Variants in CYB561A3 observed in about 807,000 individuals in gnomAD.
CYB561A3 encodes the protein lysosomal membrane ascorbate-dependent ferrireductase CYB561A3.
A neutral mutation model predicts 25.3 loss-of-function variants in CYB561A3; 16 were observed. That is an observed-to-expected ratio of 0.63 (90% CI 0.43 to 0.96). The LOEUF is 0.96. Among genes scored for constraint, CYB561A3 ranks in the 40% least tolerant of loss-of-function variants. The pLI is 0.00. For synonymous variants in CYB561A3, 131 were observed against 129.9 expected (o/e 1.01, Z -0.06); for missense variants, 219 against 307.5 (o/e 0.71, Z 2.15).
Position 61,349,515 on chromosome 11 carries a change from A to G in CYB561A3, c.*884T>C. On this transcript the variant is annotated 3_prime_UTR_variant, in exon 7 of 7. Coordinates refer to ENST00000294072, the MANE Select transcript of CYB561A3 (RefSeq NM_153611.6). Reference sequence around the variant, plus strand: ...ACAGCCACCTCTGTTACTCATCGCTACTGGGACATCTGGGGACAGGCTCTG... The same window carrying G: ...ACAGCCACCTCTGTTACTCATCGCTGCTGGGACATCTGGGGACAGGCTCTG... 1 of 702,614 alleles carries G rather than the reference A, an allele frequency of 1.4e-6. No homozygotes were observed. The allele number at this position is 702,614 out of a possible 1,614,324, so 43.5% of individuals were successfully genotyped here. A position where few individuals can be genotyped will look rare whatever the true frequency, so the allele number is the denominator to read the frequency against.
chr11:61,349,456 G>A lies in CYB561A3; in HGVS notation c.*943C>T, dbSNP rs1857292781. The A allele has an allele frequency of 1.5e-6, 1 of 682,536 alleles. No individual in the cohort carries two copies. The highest frequency in any genetic ancestry group is 2.7e-5 in the East Asian group (1 of 36,734). 42.3% of individuals were successfully genotyped at this position (682,536 alleles called of 1,614,324 possible). A position where few individuals can be genotyped will look rare whatever the true frequency, so the allele number is the denominator to read the frequency against. On this transcript the variant is annotated 3_prime_UTR_variant, in exon 7 of 7. Transcript: ENST00000294072. ...GACCTGCCCAGCGGGAGGCAGGAAG[G>A]CCCTGATCCAGCAAGGAGAAGTAGA...
In CYB561A3 at chr11:61,349,666, G is replaced by C. The variant is rs1857305184; in HGVS notation, c.*733C>G. On this transcript the variant is annotated 3_prime_UTR_variant, in exon 7 of 7. Transcript: ENST00000294072. ...CAGCTGGAAGAGGTGGAGCCGCACG[G>C]TCACAATACATGCAGACACAGAGCA... is the stretch of plus-strand genomic sequence containing the variant. The C allele has an allele frequency of 4.3e-6, 3 of 702,556 alleles. No individual in the cohort carries two copies. The highest frequency in any genetic ancestry group is 7.8e-6 in the Non-Finnish European group (3 of 384,924). The allele number at this position is 702,556 out of a possible 1,614,324, so 43.5% of individuals were successfully genotyped here.
chr11:61,352,867 G>A (rs1479033477), intron 5 of CYB561A3, 118 bp downstream of exon 5: 1 of 1,564,882 alleles, frequency 6.4e-7, no homozygotes, highest in African/African-American at 1.4e-5. Flanking sequence ...CAGATCAGGA[G>A]TGGACCCAAC....
intron 3 of CYB561A3, chr11:61,354,224 T>C (rs1335013545): frequency 5.3e-6 from 3 of 565,528 alleles, no homozygotes; most frequent in Non-Finnish European, 9.4e-6. Flanking sequence ...GCAAGGTGGC[T>C]CATGCCTGTA....
rs914328977 is a variant in CYB561A3, at chr11:61,356,374, C to T, written c.184+156G>A. On this transcript the variant is annotated intron_variant, in intron 3 of 6. Coordinates refer to ENST00000294072, the MANE Select transcript of CYB561A3 (RefSeq NM_153611.6). ...GAGATGCCCCCCATCTTAACCCCTT[C>T]CTCCCCCAAATGACAGCTAGGCCCA... The T allele has an allele frequency of 1.2e-5, 11 of 951,568 alleles. No homozygotes were observed. The African/African-American group carries it at 1.9e-4, about 16-fold the overall frequency. The allele number at this position is 951,568 out of a possible 1,614,324, so 58.9% of individuals were successfully genotyped here.
chr11:61,356,519 C>G lies in CYB561A3; in HGVS notation c.184+11G>C, dbSNP rs774196828. 2.5e-6 allele frequency: 4 copies of G among 1,612,642 alleles called. No individual in the cohort carries two copies. The South Asian group carries it at 4.4e-5, about 18-fold the overall frequency. ...GCCCTATCCCGCCTCCCTTCCTGACCTCTTACTCACCACCTCCATAGAATA... is the reference window on the plus strand; with the variant it reads ...GCCCTATCCCGCCTCCCTTCCTGACGTCTTACTCACCACCTCCATAGAATA... On this transcript the variant is annotated intron_variant, in intron 3 of 6. Coordinates refer to ENST00000294072, the MANE Select transcript of CYB561A3 (RefSeq NM_153611.6).
rs1489002186 is a variant in CYB561A3, at chr11:61,350,287, A to G, written c.*112T>C. The stretch of plus-strand genomic sequence containing the variant: ...CCCAGGCAAGAAGTCTGGGCCCAGC[A>G]TTGGAAGAAAGTCGCCTGCTGAAAC... On this transcript the variant is annotated 3_prime_UTR_variant, in exon 7 of 7. Transcript: ENST00000294072. The G allele has an allele frequency of 4.3e-6, 6 of 1,395,400 alleles. No individual in the cohort carries two copies. Among genetic ancestry groups the G allele is most frequent in the Non-Finnish European group, 5.9e-6 (6 of 1,020,356 alleles). 86.4% of individuals were successfully genotyped at this position (1,395,400 alleles called of 1,614,324 possible).
intron 5 of CYB561A3, 63 bp downstream of exon 5, chr11:61,352,922 G>T (rs1235468760): frequency 6.2e-7 from 1 of 1,613,004 alleles, no homozygotes; most frequent in African/African-American, 1.3e-5. Flanking sequence ...ATCACAGGGT[G>T]TATCTTTTGA....
Position 61,351,060 on chromosome 11 carries a change from C to T in CYB561A3, c.636G>A (p.Leu212=), listed in dbSNP as rs745776786. 4 of 1,613,934 alleles carry T rather than the reference C, an allele frequency of 2.5e-6. No homozygotes were observed. Among genetic ancestry groups the T allele is most frequent in the South Asian group, 2.2e-5 (2 of 91,064 alleles). ...STGMLVVAFG[L]LVLYILLASS... ...AAGCCAGAAGGATGTAGAGCACCAG[C>T]AGCCCAAAGGCCACCACCAGCATCC... Residue 212 remains leucine (L), a synonymous_variant, in exon 6 of 7, where the codon CTG becomes CTA. Coordinates refer to ENST00000294072, the MANE Select transcript of CYB561A3 (RefSeq NM_153611.6).
intron 2 of CYB561A3, 119 bp downstream of exon 2, chr11:61,357,614 C>T (rs1857695545): frequency 5.2e-6 from 1 of 193,792 alleles, no homozygotes; most frequent in Non-Finnish European, 1.1e-5. Context: ...AAGGCAGTCA[C>T]CCTGTCCCAC....
At chr11:61,360,272 T>C (rs548366062) in intron 1 of CYB561A3, 2 of 152,294 alleles carry the variant, frequency 1.3e-5, no homozygotes, top group African/African-American at 4.8e-5. Context: ...CCGTGAAAAC[T>C]GCAATGCAAA....
Position 61,354,087 on chromosome 11 carries a change from G to A in CYB561A3, c.185-95C>T, listed in dbSNP as rs1590605336. On this transcript the variant is annotated intron_variant, in intron 3 of 6. Transcript: ENST00000294072. ...TGATAGGATCCTACACAGCTTCCCA[G>A]CAAGGGAACAGGAAATGCTAGGGCA... The A allele has an allele frequency of 3.0e-6, 4 of 1,336,138 alleles. No individual in the cohort carries two copies. The Admixed American group carries it at 6.2e-5, about 21-fold the overall frequency. 82.8% of individuals were successfully genotyped at this position (1,336,138 alleles called of 1,614,324 possible). A position where few individuals can be genotyped will look rare whatever the true frequency, so the allele number is the denominator to read the frequency against.
rs1400011395 is a variant in CYB561A3, at chr11:61,349,158, A to T, written c.*1241T>A. 4.9e-6 allele frequency: 1 copy of T among 203,068 alleles called. No homozygotes were observed. The highest frequency in any genetic ancestry group is 2.3e-5 in the African/African-American group (1 of 44,380). 12.6% of individuals were successfully genotyped at this position (203,068 alleles called of 1,614,324 possible). On this transcript the variant is annotated 3_prime_UTR_variant, in exon 7 of 7. Coordinates refer to ENST00000294072, the MANE Select transcript of CYB561A3 (RefSeq NM_153611.6). ...CAAAAAAGCCACAGCAGCAACACTT[A>T]GGAGCAAGACCCTTCCCGCTCTCCA...
intron 3 of CYB561A3, among the ~76,000 whole-genome samples, chr11:61,355,459 C>T (rs1045523208): frequency 1.7e-4 from 26 of 151,942 alleles, no homozygotes; most frequent in African/African-American, 5.8e-4. Context: ...GCGGGTGGAT[C>T]ACCTGAGGTC....
chr11:61,350,602 G>C, intron 6 of CYB561A3, 180 bp from the exon 7 acceptor site: 1 of 719,618 alleles, frequency 1.4e-6, no homozygotes, highest in Admixed American at 2.7e-5. Flanking sequence ...ATCCCATCAA[G>C]ACCTGCTCTG....
chr11:61,356,368 C>A, intron 3 of CYB561A3, 162 bp downstream of exon 3: 3 of 895,452 alleles, frequency 3.4e-6, no homozygotes, highest in Non-Finnish European at 3.1e-6. Context: ...CCCATCTTAA[C>A]CCCTTCCTCC....
chr11:61,353,715 A>G (rs1565068082), intron 4 of CYB561A3, 69 bp downstream of exon 4: 1 of 1,501,380 alleles, frequency 6.7e-7, no homozygotes, highest in Non-Finnish European at 9.2e-7. Context: ...TTTGGTGCTC[A>G]TGCAAGTGAA....
At chr11:61,356,364 T>G (rs1028662428) in intron 3 of CYB561A3, 166 bp downstream of exon 3, 2 of 894,420 alleles carry the variant, frequency 2.2e-6, no homozygotes, top group African/African-American at 1.7e-5. Flanking sequence ...GCCCCCCATC[T>G]TAACCCCTTC....
intron 5 of CYB561A3, 86 bp downstream of exon 5, chr11:61,352,899 G>A: frequency 6.2e-7 from 1 of 1,606,956 alleles, no homozygotes; most frequent in African/African-American, 1.3e-5. Context: ...TCCTCCCTTG[G>A]GTGAGTCCTG....
Sources: gnomAD v4.1 joint callset for allele counts (sites outside exome capture counted in the v4.1 genomes callset) on GRCh38, gnomAD v4.1.1 for gene constraint, MANE v1.5 for transcripts, NCBI Gene and HGNC (gene_info 2026-07-23, HGNC 2026-07-21) for gene names.